Variants in ST7L observed in about 807,000 individuals in gnomAD.
ST7L encodes the protein suppression of tumorigenicity 7 like.
Under a neutral mutation model 72.5 loss-of-function variants are expected in ST7L, and 57 were observed. The ratio of observed to expected loss-of-function variants is 0.79; its 90% CI spans 0.64 to 0.98. The LOEUF is 0.98. Ranked by LOEUF, ST7L falls within the 50% of genes least tolerant of loss-of-function variation. ST7L has a pLI of 0.00. For missense variants in ST7L, 576 were observed against 672.2 expected, an observed-to-expected ratio of 0.86 and a Z score of 1.58; for synonymous variants, 221 against 240.9, an observed-to-expected ratio of 0.92 and a Z score of 0.77.
chr1:112,619,151 G>C (rs370326105), upstream of ST7L: 25 of 1,592,662 alleles, frequency 1.6e-5, no homozygotes, highest in Non-Finnish European at 2.1e-5. Flanking sequence ...TGGGAGGGGA[G>C]AAGGACAGGA....
At chr1:112,547,559 A>ATTT (rs1657313204) in intron 13 of ST7L, among the ~76,000 whole-genome samples, 13 of 83,378 alleles carry the variant, frequency 1.6e-4, no homozygotes, top group Non-Finnish European at 2.4e-4. Context: ...CATCTTTGTC[A>ATTT]TCTTTTTTTT....
chr1:112,536,504 G>C (rs1183220624), intron 14 of ST7L, among the ~76,000 whole-genome samples: 1 of 152,044 alleles, frequency 6.6e-6, no homozygotes, highest in Admixed American at 6.6e-5. Flanking sequence ...TTCAGTAAAA[G>C]ACACTTGGCA....
rs544089506 is a variant in ST7L at position 112,542,327 on chromosome 1, A to C, written c.1490-237T>G. Among the ~76,000 whole-genome samples the C allele has an allele frequency of 3.9e-5, 6 of 152,286 alleles. No individual in the cohort carries two copies. In the South Asian group the frequency reaches 6.2e-4, roughly 16 times the overall value. On this transcript the variant is annotated intron_variant, in intron 13 of 14. Coordinates refer to ENST00000358039, the MANE Select transcript of ST7L (RefSeq NM_017744.5). ...GGAACAGGATGGCGTCATGGGAAAG[A>C]ATATTGATTACAAAATCATGCTGAG... is the stretch of plus-strand genomic sequence containing the variant.
chr1:112,605,015 A>T (rs976795388), intron 3 of ST7L, among the ~76,000 whole-genome samples: 1 of 135,514 alleles, frequency 7.4e-6, no homozygotes, highest in Non-Finnish European at 1.6e-5. Context: ...TGAACCCAGG[A>T]GGCAGAGGTT....
intron 9 of ST7L, among the ~76,000 whole-genome samples, chr1:112,579,580 T>A (rs1256804225): frequency 6.6e-6 from 1 of 151,976 alleles, no homozygotes; most frequent in Non-Finnish European, 1.5e-5. Context: ...CTTCCTAGAT[T>A]TATTTTTCTT....
chr1:112,565,719 C>T (rs1428669616), intron 11 of ST7L, among the ~76,000 whole-genome samples: 1 of 151,978 alleles, frequency 6.6e-6, no homozygotes, highest in East Asian at 1.9e-4. Context: ...AAACACTGAA[C>T]AACTCAAAGA....
chr1:112,553,089 T>TAA (rs34755227), intron 12 of ST7L, among the ~76,000 whole-genome samples: 1 of 151,600 alleles, frequency 6.6e-6, no homozygotes, highest in Non-Finnish European at 1.5e-5. Context: ...AGTATAGACT[T>TAA]AAAAAAAACA....
intron 3 of ST7L, among the ~76,000 whole-genome samples, chr1:112,609,009 C>T (rs1206526850): frequency 6.6e-6 from 1 of 152,078 alleles, no homozygotes; most frequent in Non-Finnish European, 1.5e-5. Context: ...TTACCTATCC[C>T]AGTGAAAGGA....
intron 2 of ST7L, among the ~76,000 whole-genome samples, chr1:112,615,807 T>C (rs1310365328): frequency 1.3e-5 from 2 of 152,148 alleles, no homozygotes; most frequent in Non-Finnish European, 2.9e-5. Flanking sequence ...TGGCAAGATC[T>C]TGGTTCACTG....
At chr1:112,587,827 A>T (rs533519048) in intron 6 of ST7L, among the ~76,000 whole-genome samples, 7 of 152,266 alleles carry the variant, frequency 4.6e-5, no homozygotes, top group Admixed American at 4.6e-4. Flanking sequence ...GAATTATAGG[A>T]TCGCCTTGTC....
intron 13 of ST7L, among the ~76,000 whole-genome samples, chr1:112,543,479 C>T (rs986522402): frequency 1.3e-5 from 2 of 152,152 alleles, no homozygotes; most frequent in Non-Finnish European, 2.9e-5. Flanking sequence ...ACCCGGGAGG[C>T]GGAGGGTGCA....
intron 11 of ST7L, 133 bp from the exon 12 acceptor site, chr1:112,556,151 G>T: frequency 1.6e-6 from 1 of 631,668 alleles, no homozygotes; most frequent in Non-Finnish European, 2.4e-6. Flanking sequence ...AAAACTAACT[G>T]AAATGACATG....
intron 11 of ST7L, among the ~76,000 whole-genome samples, chr1:112,563,612 A>G (rs1303292635): frequency 2.0e-5 from 3 of 152,214 alleles, no homozygotes; most frequent in Non-Finnish European, 1.5e-5. Context: ...GCATTCAACT[A>G]TGAACAATAC....
intron 4 of ST7L, among the ~76,000 whole-genome samples, chr1:112,599,127 T>TACACACACACAC (rs71084480): frequency 1.9e-5 from 2 of 103,824 alleles, no homozygotes; most frequent in African/African-American, 7.5e-5. Flanking sequence ...TGTGTGTGTA[T>TACACACACACAC]ACACACACAC....
chr1:112,580,331 T>C (rs1663889876), intron 9 of ST7L, among the ~76,000 whole-genome samples: 1 of 152,138 alleles, frequency 6.6e-6, no homozygotes, highest in South Asian at 2.1e-4. Context: ...TAAAATATTT[T>C]TTTTAGAAAT....
intron 12 of ST7L, among the ~76,000 whole-genome samples, chr1:112,554,924 A>G (rs1157854152): frequency 2.6e-5 from 4 of 152,216 alleles, no homozygotes; most frequent in Non-Finnish European, 5.9e-5. Flanking sequence ...AGGTACCTAG[A>G]GTAGTCAAAC....
At position 112,584,000 on chromosome 1, in the gene ST7L, G is replaced by A. The variant is rs145021200; in HGVS notation, c.828C>T (p.His276=). Residue 276 remains histidine (H), a synonymous_variant, in exon 7 of 15, where the codon CAC becomes CAT. Transcript: ENST00000358039. The part of the protein sequence containing the change: ...TIYRQSQQCQ[H]QSPQHEAQLR... Reference sequence around the variant, plus strand: ...GTTGAGCTTCATGCTGAGGACTTTGGTGCTGGCACTGCTGTGACTGCCTAT... The same window carrying A: ...GTTGAGCTTCATGCTGAGGACTTTGATGCTGGCACTGCTGTGACTGCCTAT... 1 of 1,614,034 alleles carries A rather than the reference G, an allele frequency of 6.2e-7. No individual in the cohort carries two copies. The highest frequency in any genetic ancestry group is 1.3e-5 in the African/African-American group (1 of 75,012).
At chr1:112,611,708 G>A (rs1669084636) in intron 2 of ST7L, among the ~76,000 whole-genome samples, 1 of 152,138 alleles carries the variant, frequency 6.6e-6, no homozygotes, top group Admixed American at 6.5e-5. Context: ...GGGAGGCCAA[G>A]AAGTCCCAAA....
At chr1:112,590,586 C>G (rs1179004013) in intron 6 of ST7L, among the ~76,000 whole-genome samples, 2 of 152,184 alleles carry the variant, frequency 1.3e-5, no homozygotes, top group Non-Finnish European at 2.9e-5. Context: ...ATTCAGGAAG[C>G]ATTCCTTGAT....
Sources: allele counts gnomAD v4.1 joint callset (sites outside exome capture counted in the v4.1 genomes callset), GRCh38; gene constraint gnomAD v4.1.1; transcripts MANE v1.5; gene names NCBI Gene and HGNC (gene_info 2026-07-23, HGNC 2026-07-21).